The following ISM1 variants were observed in gnomAD, a reference collection of about 807,000 sequenced individuals.
ISM1 encodes isthmin 1.
Under a neutral mutation model 46.3 loss-of-function variants are expected in ISM1, and 25 were observed. The ratio of observed to expected loss-of-function variants is 0.54; its 90% CI spans 0.39 to 0.75. The LOEUF (loss-of-function observed/expected upper bound fraction) is 0.75, where lower values mean the gene tolerates loss of function less well. ISM1 is among the 30% of genes least tolerant of loss of function. The pLI is 0.00. For synonymous variants in ISM1, 255 were observed against 256.7 expected, an observed-to-expected ratio of 0.99 and a Z score of 0.06; for missense variants, 536 against 625.4, an observed-to-expected ratio of 0.86 and a Z score of 1.52.
chr20:13,274,059 T>TTGTGTG (rs143496462), intron 2 of ISM1, among the ~76,000 whole-genome samples: 29,057 of 150,708 alleles, frequency 0.19, 2,819 homozygotes, highest in African/African-American at 0.22. Context: ...TGGCGTGTAA[T>TTGTGTG]TGTGTGTGTG....
chr20:13,221,877 A>T lies in ISM1; in HGVS notation c.101A>T (p.Asp34Val), dbSNP rs2039453392. ...GGCTCGGGAGCCGCCGACGGGCCCGACGCGGCCGCGGGCAACGCCAGCCAA... is the reference window on the plus strand; with the variant it reads ...GGCTCGGGAGCCGCCGACGGGCCCGTCGCGGCCGCGGGCAACGCCAGCCAA... ...LRGSGAADGP[D>V]AAAGNASQAQ... Residue 34 changes from aspartate to valine, a missense_variant, in exon 1 of 6, where the codon GAC becomes GTC. Physicochemically the swap from Asp to Val is radical, Grantham distance 152. Transcript: ENST00000262487. 1.4e-6 allele frequency: 2 copies of T among 1,412,732 alleles called. No homozygotes were observed. Among genetic ancestry groups the T allele is most frequent in the East Asian group, 6.1e-5 (2 of 32,728 alleles). 87.5% of individuals were successfully genotyped at this position (1,412,732 alleles called of 1,614,324 possible). A position where few individuals can be genotyped will look rare whatever the true frequency, so the allele number is the denominator to read the frequency against.
At chr20:13,251,688 C>T (rs959192816) in intron 1 of ISM1, among the ~76,000 whole-genome samples, 1 of 152,198 alleles carries the variant, frequency 6.6e-6, no homozygotes, top group African/African-American at 2.4e-5. Context: ...TTGCAACAGA[C>T]TCTATCTTCT....
intron 1 of ISM1, among the ~76,000 whole-genome samples, chr20:13,249,047 T>C (rs555189018): frequency 6.6e-6 from 1 of 152,316 alleles, no homozygotes; most frequent in East Asian, 1.9e-4. Flanking sequence ...GTACATGTGG[T>C]CAGGTCAGGA....
downstream of ISM1, among the ~76,000 whole-genome samples, chr20:13,301,576 G>A (rs2040458529): frequency 6.6e-6 from 1 of 152,142 alleles, no homozygotes; most frequent in South Asian, 2.1e-4. Flanking sequence ...TCTAATCACG[G>A]AATGAGAAGA....
chr20:13,284,083 A>T (rs2040266276), intron 3 of ISM1, among the ~76,000 whole-genome samples: 1 of 152,220 alleles, frequency 6.6e-6, no homozygotes, highest in Non-Finnish European at 1.5e-5. Flanking sequence ...CCCTGCCCAT[A>T]AAAAGAGGAT....
rs760575726 is a variant in ISM1, at chr20:13,279,851, C to A, written c.596C>A (p.Thr199Lys). The change falls in exon 3 of 6, where the codon ACA becomes AAA. Residue 199 changes from threonine to lysine, a missense_variant. Around this residue, in one of 2 missense-constraint regions of ISM1, gnomAD observed 367 missense variants for 376.1 expected, o/e 0.98. Transcript: ENST00000262487. ...FLNPPRGWDH[T>K]APGHRTFETK... ...AACCCCCCCAGGGGGTGGGACCATA[C>A]AGCCCCAGGCCACCGGACTTTTGAA... The A allele has an allele frequency of 6.2e-7, 1 of 1,613,972 alleles. No individual in the cohort carries two copies. Among genetic ancestry groups the A allele is most frequent in the Admixed American group, 1.7e-5 (1 of 60,030 alleles).
At chr20:13,229,148 CTCTT>C (rs35756453) in intron 1 of ISM1, among the ~76,000 whole-genome samples, 23,023 of 151,472 alleles carry the variant, frequency 0.15, 1,793 homozygotes, top group East Asian at 0.24. Context: ...CTCTCTCTCT[CTCTT>C]TCTGCATTTT....
intron 1 of ISM1, among the ~76,000 whole-genome samples, chr20:13,256,802 G>A (rs2039934654): frequency 6.6e-6 from 1 of 152,158 alleles, no homozygotes; most frequent in Non-Finnish European, 1.5e-5. Context: ...GTACAATGGG[G>A]GTGATGATAA....
intron 3 of ISM1, among the ~76,000 whole-genome samples, chr20:13,282,252 T>A (rs959930759): frequency 6.6e-6 from 1 of 152,176 alleles, no homozygotes; most frequent in African/African-American, 2.4e-5. Flanking sequence ...CGAGGATGAC[T>A]TCATTGTTCA....
At position 13,246,638 on chromosome 20, in the gene ISM1, C is replaced by G. The variant is rs543500282; in HGVS notation, c.139-23866C>G. On this transcript the variant is annotated intron_variant, in intron 1 of 5. Coordinates refer to ENST00000262487, the MANE Select transcript of ISM1 (RefSeq NM_080826.2). ...TTTTATAGATGAGAAACCTGAGACC[C>G]GGAAAGTTTACCTACTTGCCTGAAA... Among the ~76,000 whole-genome samples, 185 of 152,288 alleles carry G rather than the reference C, an allele frequency of 1.2e-3. 3 individuals are homozygous for G. Among genetic ancestry groups the G allele is most frequent in the African/African-American group, 4.3e-3 (180 of 41,548 alleles).
chr20:13,271,788 T>A (rs998267706), intron 2 of ISM1, among the ~76,000 whole-genome samples: 18 of 152,282 alleles, frequency 1.2e-4, no homozygotes, highest in African/African-American at 3.9e-4. Context: ...CTTCCATATT[T>A]TTTTTAAAGA....
chr20:13,276,923 A>T (rs946774415), intron 2 of ISM1, among the ~76,000 whole-genome samples: 8 of 152,154 alleles, frequency 5.3e-5, no homozygotes, highest in African/African-American at 1.9e-4. Context: ...CACTTTGTTA[A>T]CTGTAGGGAA....
At chr20:13,323,090 C>T in the ISM1 span, among the ~76,000 whole-genome samples, 3 of 151,822 alleles carry the variant, frequency 2.0e-5, no homozygotes, top group East Asian at 1.9e-4. Context: ...CACAGCGTCT[C>T]GGAGGAAAAA....
At chr20:13,323,008 G>C in the ISM1 span, among the ~76,000 whole-genome samples, 1 of 152,162 alleles carries the variant, frequency 6.6e-6, no homozygotes, top group Non-Finnish European at 1.5e-5. Flanking sequence ...GGCAGAAAAC[G>C]CCACAGTCCT....
intron 1 of ISM1, chr20:13,244,333 A>G (rs2039767961): frequency 6.7e-6 from 1 of 148,752 alleles, no homozygotes; most frequent in Non-Finnish European, 1.5e-5. Context: ...CAGCTCACAT[A>G]GAGGTGTCAG....
the ISM1 span, among the ~76,000 whole-genome samples, chr20:13,308,786 C>T: frequency 1.3e-5 from 2 of 152,072 alleles, no homozygotes; most frequent in African/African-American, 4.8e-5. Flanking sequence ...TTATGATATT[C>T]GGAGGTGCAG....
At chr20:13,319,061 A>C in the ISM1 span, among the ~76,000 whole-genome samples, 3 of 152,206 alleles carry the variant, frequency 2.0e-5, no homozygotes, top group South Asian at 4.1e-4. Flanking sequence ...CAGTTGTAAC[A>C]AATGCATGAC....
chr20:13,263,422 C>T (rs1450499642), intron 1 of ISM1, among the ~76,000 whole-genome samples: 1 of 151,928 alleles, frequency 6.6e-6, no homozygotes, highest in Non-Finnish European at 1.5e-5. Context: ...TTCTAGAAAG[C>T]CGATTTTATG....
chr20:13,298,886 C>T, intron 5 of ISM1, 56 bp from the exon 6 acceptor site: 1 of 1,567,324 alleles, frequency 6.4e-7, no homozygotes, highest in Admixed American at 1.8e-5. Context: ...CCTTGAAGCA[C>T]CTCCTGTGGG....
Sources: allele counts gnomAD v4.1 joint callset (sites outside exome capture counted in the v4.1 genomes callset), GRCh38; gene constraint gnomAD v4.1.1; regional missense constraint gnomAD v4.1.1; transcripts MANE v1.5; gene names NCBI Gene and HGNC (gene_info 2026-07-23, HGNC 2026-07-21).